Variants in MCTP2 observed in about 807,000 individuals in gnomAD.
MCTP2 encodes the protein multiple C2 and transmembrane domain containing 2, also known as multiple C2 and transmembrane domain-containing protein 2.
A neutral mutation model predicts 111.6 loss-of-function variants in MCTP2; 132 were observed. The observed-to-expected ratio is 1.18, with a 90% CI of 1.03 to 1.37. MCTP2 has a LOEUF of 1.37. Ranked by LOEUF, MCTP2 falls within the 40% of genes most tolerant of loss-of-function variation. The probability of loss-of-function intolerance (pLI) is 0.00; values close to 1 mark genes in which losing one functional copy is unlikely to be tolerated. For synonymous variants in MCTP2, 395 were observed against 387.7 expected (o/e 1.02, Z -0.22); for missense variants, 1,183 against 1,067.9 (o/e 1.11, Z -1.50).
intron 1 of MCTP2, among the ~76,000 whole-genome samples, chr15:94,276,077 C>T (rs904371158): frequency 1.3e-5 from 2 of 152,038 alleles, no homozygotes; most frequent in African/African-American, 4.8e-5. Flanking sequence ...ATCTCCTGAC[C>T]TTGTGATCCG....
At chr15:94,386,206 A>T (rs2080464570) in intron 14 of MCTP2, among the ~76,000 whole-genome samples, 1 of 152,174 alleles carries the variant, frequency 6.6e-6, no homozygotes, top group African/African-American at 2.4e-5. Flanking sequence ...TTCATCTCTT[A>T]ATTAGACAGT....
At chr15:94,467,055 A>T (rs972011812) in intron 20 of MCTP2, among the ~76,000 whole-genome samples, 1 of 152,184 alleles carries the variant, frequency 6.6e-6, no homozygotes, top group Non-Finnish European at 1.5e-5. Context: ...TATATGCCAT[A>T]TATCTTTATA....
At chr15:94,264,275 C>T (rs983215665) in intron 1 of MCTP2, among the ~76,000 whole-genome samples, 2 of 152,052 alleles carry the variant, frequency 1.3e-5, no homozygotes, top group African/African-American at 4.8e-5. Flanking sequence ...CTTGGGCAGG[C>T]GGTCATTGTT....
chr15:94,351,459 A>G (rs2078297530), intron 8 of MCTP2, among the ~76,000 whole-genome samples: 1 of 152,248 alleles, frequency 6.6e-6, no homozygotes. Flanking sequence ...TGGTCAACAT[A>G]GTTGGAATCT....
intron 18 of MCTP2, 57 bp downstream of exon 18, chr15:94,440,355 A>T (rs1174368685): frequency 1.9e-6 from 3 of 1,601,108 alleles, no homozygotes; most frequent in Non-Finnish European, 2.6e-6. Context: ...TTAACAACAA[A>T]CTACCACCAC....
chr15:94,443,196 C>CTA (rs779805439), intron 19 of MCTP2, among the ~76,000 whole-genome samples: 1 of 151,904 alleles, frequency 6.6e-6, no homozygotes, highest in Non-Finnish European at 1.5e-5. Context: ...AAAAGCATAA[C>CTA]TATAGGAGGC....
intron 4 of MCTP2, among the ~76,000 whole-genome samples, chr15:94,329,913 A>C (rs1048078425): frequency 5.6e-4 from 85 of 152,254 alleles, no homozygotes; most frequent in African/African-American, 1.9e-3. Context: ...AGACTCACTC[A>C]TCTTACATAA....
chr15:94,343,722 A>C (rs2077793858), intron 7 of MCTP2: 1 of 152,174 alleles, frequency 6.6e-6, no homozygotes, highest in African/African-American at 2.4e-5. Flanking sequence ...GGTTAACTCA[A>C]AGAATTATTT....
At chr15:94,402,743 G>A in intron 17 of MCTP2, 1 of 1,431,122 alleles carries the variant, frequency 7.0e-7, no homozygotes, top group African/African-American at 1.4e-5. Context: ...GTCAGCCATG[G>A]GAGGAGAAAT....
intron 4 of MCTP2, among the ~76,000 whole-genome samples, chr15:94,325,523 G>A (rs2076822653): frequency 6.6e-6 from 1 of 152,010 alleles, no homozygotes; most frequent in South Asian, 2.1e-4. Context: ...CTTCTTTTGA[G>A]ATAAAAGTTC....
intron 8 of MCTP2, among the ~76,000 whole-genome samples, chr15:94,348,796 A>C (rs999753570): frequency 6.6e-6 from 1 of 151,782 alleles, no homozygotes. Context: ...AAATTAATAC[A>C]GTTTTTTTTG....
chr15:94,303,517 T>C (rs1287519279), intron 2 of MCTP2, among the ~76,000 whole-genome samples: 1 of 152,138 alleles, frequency 6.6e-6, no homozygotes, highest in Non-Finnish European at 1.5e-5. Context: ...AGGATCAATA[T>C]TTTATATCCT....
intron 4 of MCTP2, among the ~76,000 whole-genome samples, chr15:94,331,406 TA>T (rs1260682063): frequency 6.6e-6 from 1 of 151,562 alleles, no homozygotes; most frequent in East Asian, 1.9e-4. Context: ...GACAAGATGT[TA>T]GGGGAAGAGG....
intron 10 of MCTP2, among the ~76,000 whole-genome samples, chr15:94,364,880 T>C (rs1414280725): frequency 6.6e-6 from 1 of 152,154 alleles, no homozygotes; most frequent in African/African-American, 2.4e-5. Context: ...GGAGTTGAAA[T>C]AGGTTAAATA....
chr15:94,346,898 C>T (rs1029408089), intron 8 of MCTP2, among the ~76,000 whole-genome samples: 14 of 145,676 alleles, frequency 9.6e-5, no homozygotes, highest in Admixed American at 7.8e-4. Context: ...TAGAACTGAG[C>T]TGTTTGTCTT....
chr15:94,344,346 T>C (rs2077842288), intron 7 of MCTP2, among the ~76,000 whole-genome samples: 1 of 152,218 alleles, frequency 6.6e-6, no homozygotes, highest in South Asian at 2.1e-4. Flanking sequence ...AGAAAAATAG[T>C]AAATGTGGTC....
At chr15:94,266,662 G>A (rs113327117) in intron 1 of MCTP2, among the ~76,000 whole-genome samples, 6,220 of 152,218 alleles carry the variant, frequency 0.041, 171 homozygotes, top group Non-Finnish European at 0.064. Flanking sequence ...AGAAGGAAAC[G>A]AAGGGTATCA....
At chr15:94,367,219 C>G (rs922712364) in intron 10 of MCTP2, among the ~76,000 whole-genome samples, 7 of 151,670 alleles carry the variant, frequency 4.6e-5, no homozygotes, top group Non-Finnish European at 1.0e-4. Flanking sequence ...ATCCTTTATT[C>G]TCTTTACTCA....
intron 20 of MCTP2, among the ~76,000 whole-genome samples, chr15:94,467,136 G>C (rs2073413251): frequency 2.0e-5 from 3 of 152,148 alleles, no homozygotes; most frequent in Non-Finnish European, 1.5e-5. Context: ...TATTATTCCT[G>C]TTTTAGAGAT....
Sources: gnomAD v4.1 joint callset for allele counts (sites outside exome capture counted in the v4.1 genomes callset) on GRCh38, gnomAD v4.1.1 for gene constraint, MANE v1.5 for transcripts, NCBI Gene and HGNC (gene_info 2026-07-23, HGNC 2026-07-21) for gene names.